Variants in CTNND2 observed in about 807,000 individuals in gnomAD.
The protein encoded by CTNND2 is catenin delta 2, also known as catenin delta-2.
A neutral mutation model predicts 144.4 loss-of-function variants in CTNND2; 22 were observed. That is an observed-to-expected ratio of 0.15 (90% CI 0.11 to 0.22). CTNND2 has a LOEUF of 0.22. Ranked by LOEUF, CTNND2 falls within the 10% of genes least tolerant of loss-of-function variation. The pLI is 1.00. For missense variants in CTNND2, 1,353 were observed against 1,618.8 expected (o/e 0.84, Z 2.82); for synonymous variants, 751 against 695.6 (o/e 1.08, Z -1.25).
intron 9 of CTNND2, among the ~76,000 whole-genome samples, chr5:11,317,687 C>T (rs1180075046): frequency 6.6e-6 from 1 of 151,978 alleles, no homozygotes; most frequent in Admixed American, 6.5e-5. Flanking sequence ...AATTCAAATA[C>T]TATTTTTTTT....
chr5:11,214,996 G>A (rs1281354486), intron 10 of CTNND2, among the ~76,000 whole-genome samples: 1 of 152,180 alleles, frequency 6.6e-6, no homozygotes, highest in Non-Finnish European at 1.5e-5. Flanking sequence ...AGATGTCAGT[G>A]CTGTGAGAGC....
intron 1 of CTNND2, among the ~76,000 whole-genome samples, chr5:11,737,155 C>T (rs928844845): frequency 2.6e-5 from 4 of 152,072 alleles, no homozygotes; most frequent in African/African-American, 9.7e-5. Context: ...AGTCCTGCTG[C>T]CAGGCTGGTC....
chr5:11,637,296 G>T (rs1324887773), intron 2 of CTNND2, among the ~76,000 whole-genome samples: 2 of 152,148 alleles, frequency 1.3e-5, no homozygotes, highest in African/African-American at 2.4e-5. Context: ...CAACTCAGAA[G>T]TATAGAGATA....
At chr5:11,886,068 C>A (rs2127085704) in intron 1 of CTNND2, among the ~76,000 whole-genome samples, 1 of 151,868 alleles carries the variant, frequency 6.6e-6, no homozygotes, top group South Asian at 2.1e-4. Flanking sequence ...ATGCCTACAT[C>A]AAAAAAGTAG....
chr5:11,712,263 T>C (rs1458059955), intron 2 of CTNND2, among the ~76,000 whole-genome samples: 1 of 152,166 alleles, frequency 6.6e-6, no homozygotes, highest in Admixed American at 6.6e-5. Context: ...AGTTTCAGGG[T>C]CTCTGAGCTA....
At chr5:11,605,793 C>A (rs1313619966) in intron 2 of CTNND2, among the ~76,000 whole-genome samples, 1 of 152,104 alleles carries the variant, frequency 6.6e-6, no homozygotes, top group Non-Finnish European at 1.5e-5. Context: ...TAAAATACAG[C>A]TAAGAGGACA....
chr5:11,236,837 A>G lies in CTNND2; in HGVS notation c.1629-14T>C. On this transcript the variant is annotated splice_polypyrimidine_tract_variant and intron_variant, in intron 9 of 21. Coordinates refer to ENST00000304623, the MANE Select transcript of CTNND2 (RefSeq NM_001332.4). ...CATCCAAATTCTCTGAACAAAAGGA[A>G]AGAAGCGGGGAGAATATGAGAGAGA... 6.2e-7 allele frequency: 1 copy of G among 1,613,968 alleles called. No individual in the cohort carries two copies. The highest frequency in any genetic ancestry group is 1.1e-5 in the South Asian group (1 of 91,062).
intron 11 of CTNND2, among the ~76,000 whole-genome samples, chr5:11,173,943 A>C (rs1400126966): frequency 6.6e-6 from 1 of 152,170 alleles, no homozygotes; most frequent in Non-Finnish European, 1.5e-5. Context: ...TGCGGTGAAA[A>C]GAAGTGGGCA....
chr5:11,844,159 C>T (rs1794624977), intron 1 of CTNND2, among the ~76,000 whole-genome samples: 1 of 152,138 alleles, frequency 6.6e-6, no homozygotes, highest in South Asian at 2.1e-4. Context: ...AGGGAAAAAT[C>T]ACTTCCCATT....
chr5:11,258,405 T>C (rs1163910220), intron 9 of CTNND2, among the ~76,000 whole-genome samples: 1 of 152,196 alleles, frequency 6.6e-6, no homozygotes, highest in Non-Finnish European at 1.5e-5. Flanking sequence ...CTCATCAACA[T>C]TGCTATTACT....
intron 2 of CTNND2, among the ~76,000 whole-genome samples, chr5:11,647,751 G>C (rs987367792): frequency 6.6e-6 from 1 of 152,018 alleles, no homozygotes. Context: ...TCTGTCCCTT[G>C]ACAATTCTCA....
At chr5:11,797,601 A>G (rs1311332415) in intron 1 of CTNND2, among the ~76,000 whole-genome samples, 1 of 152,238 alleles carries the variant, frequency 6.6e-6, no homozygotes, top group Non-Finnish European at 1.5e-5. Context: ...ATGTACTTGA[A>G]TAATTTAAAT....
intron 12 of CTNND2, among the ~76,000 whole-genome samples, chr5:11,129,131 T>TA (rs1561352495): frequency 3.6e-5 from 1 of 27,748 alleles, no homozygotes; most frequent in Non-Finnish European, 6.3e-5. Context: ...TAATATATAT[T>TA]TATATATATT....
intron 16 of CTNND2, among the ~76,000 whole-genome samples, chr5:11,036,349 C>T (rs1390398832): frequency 6.6e-6 from 1 of 152,172 alleles, no homozygotes; most frequent in African/African-American, 2.4e-5. Flanking sequence ...CAGATTTACA[C>T]TCATATCTTG....
chr5:11,170,785 G>C (rs998050034), intron 11 of CTNND2, among the ~76,000 whole-genome samples: 1 of 152,098 alleles, frequency 6.6e-6, no homozygotes, highest in Admixed American at 6.5e-5. Context: ...AAATACCTGA[G>C]ACTGGGTAAT....
rs1369464652 is a variant in CTNND2 at position 11,458,622 on chromosome 5, C to T, written c.288-46553G>A. ...TAGTCCATTATTTTTCTGAATGAGACCAGGAGAACAGAAGTTCTACAAGAT... is the reference window on the plus strand; with the variant it reads ...TAGTCCATTATTTTTCTGAATGAGATCAGGAGAACAGAAGTTCTACAAGAT... On this transcript the variant is annotated intron_variant, in intron 3 of 21. Transcript: ENST00000304623. 2.6e-5 allele frequency among the ~76,000 whole-genome samples: 4 copies of T among 152,092 alleles called. No individual in the cohort carries two copies. The South Asian group carries it at 8.3e-4, about 32-fold the overall frequency.
intron 9 of CTNND2, among the ~76,000 whole-genome samples, chr5:11,343,035 G>T (rs1188998958): frequency 6.6e-6 from 1 of 152,142 alleles, no homozygotes; most frequent in Non-Finnish European, 1.5e-5. Flanking sequence ...CTCAGTGACT[G>T]CTGGCTTTAC....
chr5:11,009,880 T>G (rs1383980689), intron 18 of CTNND2, among the ~76,000 whole-genome samples: 1 of 59,646 alleles, frequency 1.7e-5, no homozygotes, highest in Admixed American at 2.0e-4. Context: ...TGGACAGATA[T>G]CATATGAGTG....
intron 7 of CTNND2, 49 bp from the exon 8 acceptor site, chr5:11,364,939 A>G: frequency 1.3e-6 from 2 of 1,508,592 alleles, no homozygotes; most frequent in Non-Finnish European, 1.8e-6. Context: ...ACCTCCAAAC[A>G]GAACTTGTTT....
Sources: gnomAD v4.1 joint callset for allele counts (sites outside exome capture counted in the v4.1 genomes callset) on GRCh38, gnomAD v4.1.1 for gene constraint, MANE v1.5 for transcripts, NCBI Gene and HGNC (gene_info 2026-07-23, HGNC 2026-07-21) for gene names.